AUTS2: variants seen among roughly 807,000 people sequenced by gnomAD.
AUTS2 encodes the protein autism susceptibility gene 2 protein.
Under a neutral mutation model 112.4 loss-of-function variants are expected in AUTS2, and 17 were observed. The ratio of observed to expected loss-of-function variants is 0.15; its 90% CI spans 0.10 to 0.23. The LOEUF (loss-of-function observed/expected upper bound fraction) is 0.23. Among genes scored for constraint, AUTS2 ranks in the 10% least tolerant of loss-of-function variants. The pLI, the probability that AUTS2 is intolerant of heterozygous loss-of-function variation, is 1.00. For missense variants in AUTS2, 1,510 were observed against 1,701.6 expected (o/e 0.89, Z 1.98); for synonymous variants, 751 against 702.7 (o/e 1.07, Z -1.09).
At chr7:69,936,134 T>C (rs1014615945) in intron 2 of AUTS2, among the ~76,000 whole-genome samples, 9 of 152,210 alleles carry the variant, frequency 5.9e-5, no homozygotes, top group Admixed American at 4.6e-4. Flanking sequence ...ACCTGTATTT[T>C]CCTCATCTCA....
intron 5 of AUTS2, among the ~76,000 whole-genome samples, chr7:70,507,079 A>G (rs1191531210): frequency 6.6e-6 from 1 of 152,228 alleles, no homozygotes; most frequent in East Asian, 1.9e-4. Flanking sequence ...TTGGAAAATG[A>G]ACATTTTATT....
chr7:70,043,227 A>G (rs1801323566), intron 2 of AUTS2, among the ~76,000 whole-genome samples: 2 of 152,186 alleles, frequency 1.3e-5, no homozygotes, highest in Admixed American at 6.5e-5. Flanking sequence ...TTTGCTGCAC[A>G]TAACAATAAA....
intron 2 of AUTS2, among the ~76,000 whole-genome samples, chr7:69,944,476 CAT>C (rs1277656115): frequency 1.3e-5 from 2 of 152,060 alleles, no homozygotes; most frequent in African/African-American, 4.8e-5. Flanking sequence ...CTGTAGAAGA[CAT>C]ATATATTTAG....
At chr7:70,163,336 TGTG>T (rs1167055985) in intron 4 of AUTS2, among the ~76,000 whole-genome samples, 2,004 of 6,502 alleles carry the variant, frequency 0.31, 335 homozygotes, top group Non-Finnish European at 0.38. Context: ...AGTGTTAGGT[TGTG>T]GTGGTGGGGG....
intron 5 of AUTS2, among the ~76,000 whole-genome samples, chr7:70,550,817 G>A (rs902486422): frequency 1.3e-5 from 2 of 152,142 alleles, no homozygotes; most frequent in African/African-American, 4.8e-5. Context: ...AACTGAGATG[G>A]CCTGAAAGAA....
intron 4 of AUTS2, among the ~76,000 whole-genome samples, chr7:70,208,285 G>A (rs1425656694): frequency 2.6e-5 from 4 of 152,132 alleles, no homozygotes; most frequent in East Asian, 3.9e-4. Context: ...GCTATGCAGC[G>A]TGACTAGCAA....
At chr7:70,052,126 A>G (rs1364287681) in intron 2 of AUTS2, among the ~76,000 whole-genome samples, 1 of 152,226 alleles carries the variant, frequency 6.6e-6, no homozygotes, top group Non-Finnish European at 1.5e-5. Context: ...AGCAAGACAT[A>G]GAGTGATCTT....
chr7:70,628,223 C>A (rs1805053586), intron 5 of AUTS2, among the ~76,000 whole-genome samples: 1 of 151,922 alleles, frequency 6.6e-6, no homozygotes, highest in South Asian at 2.1e-4. Context: ...CATGGTGGGA[C>A]AGATTTACCA....
chr7:69,923,652 A>G (rs1177168774), intron 2 of AUTS2, among the ~76,000 whole-genome samples: 6 of 152,208 alleles, frequency 3.9e-5, no homozygotes, highest in Non-Finnish European at 1.5e-5. Flanking sequence ...ACTTTTCAGT[A>G]TATAAGCCTT....
intron 4 of AUTS2, among the ~76,000 whole-genome samples, chr7:70,280,917 A>C (rs927276135): frequency 6.6e-6 from 1 of 152,326 alleles, no homozygotes; most frequent in East Asian, 1.9e-4. Context: ...AAATTTGAAA[A>C]GAAGTATAAT....
chr7:69,738,673 G>A (rs1364735171), intron 1 of AUTS2, among the ~76,000 whole-genome samples: 1 of 152,142 alleles, frequency 6.6e-6, no homozygotes, highest in Non-Finnish European at 1.5e-5. Context: ...GGGAGGGAAG[G>A]AATGGAATCT....
In AUTS2 at chr7:69,966,712, C is replaced by G. The variant is rs150262306; in HGVS notation, c.522+67214C>G. Among the ~76,000 whole-genome samples the G allele has an allele frequency of 5.5e-3, 844 of 152,254 alleles. 4 individuals are homozygous for G. Among genetic ancestry groups the G allele is most frequent in the Non-Finnish European group, 9.2e-3 (628 of 68,014 alleles). On this transcript the variant is annotated intron_variant, in intron 2 of 18. Transcript: ENST00000342771. ...TGAGCGTGGCAGTGCCTGGGTGTCT[C>G]ACATCCATGTATGCTCAAACCATGC...
chr7:70,411,397 G>A (rs1794769620), intron 4 of AUTS2, among the ~76,000 whole-genome samples: 1 of 152,204 alleles, frequency 6.6e-6, no homozygotes, highest in South Asian at 2.1e-4. Context: ...CTCAAGACAG[G>A]TAAATCCACA....
intron 2 of AUTS2, among the ~76,000 whole-genome samples, chr7:69,907,286 G>A (rs969741835): frequency 5.3e-5 from 8 of 152,124 alleles, no homozygotes; most frequent in East Asian, 1.9e-4. Flanking sequence ...TGAGTTTATC[G>A]TAGGACTTCA....
chr7:70,121,692 A>G (rs1348479811), intron 3 of AUTS2, among the ~76,000 whole-genome samples: 1 of 152,190 alleles, frequency 6.6e-6, no homozygotes, highest in Non-Finnish European at 1.5e-5. Context: ...AGTGTTGGCA[A>G]GGATGTGGAA....
chr7:69,638,277 A>C (rs1200155519), intron 1 of AUTS2, among the ~76,000 whole-genome samples: 1 of 152,158 alleles, frequency 6.6e-6, no homozygotes, highest in African/African-American at 2.4e-5. Flanking sequence ...TCAGCCTCCC[A>C]AGTGCTGGGA....
At chr7:70,786,107 G>A (rs1006516488) in intron 17 of AUTS2, 69 bp downstream of exon 17, 2 of 1,350,276 alleles carry the variant, frequency 1.5e-6, no homozygotes, top group African/African-American at 2.9e-5. Flanking sequence ...TATGGCTCAA[G>A]ACCTTTCTAG....
chr7:70,506,860 C>T (rs929388089), intron 5 of AUTS2, among the ~76,000 whole-genome samples: 3 of 152,228 alleles, frequency 2.0e-5, no homozygotes, highest in Admixed American at 6.5e-5. Flanking sequence ...TCCCAACCTA[C>T]TCTGGGCCAT....
intron 4 of AUTS2, among the ~76,000 whole-genome samples, chr7:70,334,834 G>A (rs1790916850): frequency 6.6e-6 from 1 of 152,158 alleles, no homozygotes; most frequent in South Asian, 2.1e-4. Context: ...ATTGAGAGGT[G>A]AGCCAACTTT....
Sources: allele counts gnomAD v4.1 joint callset (sites outside exome capture counted in the v4.1 genomes callset), GRCh38; gene constraint gnomAD v4.1.1; transcripts MANE v1.5; gene names NCBI Gene and HGNC (gene_info 2026-07-23, HGNC 2026-07-21).